RIMS2: variants seen among roughly 807,000 people sequenced by gnomAD.
The protein encoded by RIMS2 is regulating synaptic membrane exocytosis 2.
RIMS2 carries 59 observed loss-of-function variants against 174.4 expected under a neutral mutation model. The observed-to-expected ratio is 0.34, with a 90% CI of 0.27 to 0.42. RIMS2 has a LOEUF of 0.42. RIMS2 is among the 10% of genes least tolerant of loss of function. The pLI is 1.00. For synonymous variants in RIMS2, 606 were observed against 572.5 expected (o/e 1.06, Z -0.84); for missense variants, 1,620 against 1,666.3 (o/e 0.97, Z 0.48).
chr8:103,946,714 C>T (rs1026545171), intron 14 of RIMS2, among the ~76,000 whole-genome samples: 2 of 152,092 alleles, frequency 1.3e-5, no homozygotes, highest in African/African-American at 4.8e-5. Context: ...AGATTAAACC[C>T]AATTCCTATC....
intron 19 of RIMS2, among the ~76,000 whole-genome samples, chr8:104,231,255 T>C (rs1163569257): frequency 6.6e-6 from 1 of 152,184 alleles, no homozygotes; most frequent in Non-Finnish European, 1.5e-5. Flanking sequence ...CCCATCTTCA[T>C]CTTAACACTA....
intron 19 of RIMS2, among the ~76,000 whole-genome samples, chr8:104,018,395 T>G (rs1446966886): frequency 6.6e-6 from 1 of 152,226 alleles, no homozygotes; most frequent in African/African-American, 2.4e-5. Context: ...TAGATTGTTT[T>G]TCACAACTAA....
chr8:103,903,648 G>T (rs2073728114), intron 4 of RIMS2, among the ~76,000 whole-genome samples: 2 of 152,120 alleles, frequency 1.3e-5, no homozygotes, highest in Admixed American at 1.3e-4. Flanking sequence ...ATTTAAGTAT[G>T]TTTAACTTGT....
intron 19 of RIMS2, among the ~76,000 whole-genome samples, chr8:104,189,054 A>G (rs1349573685): frequency 6.6e-6 from 1 of 151,986 alleles, no homozygotes; most frequent in African/African-American, 2.4e-5. Flanking sequence ...TAAATTGTGA[A>G]TTTATTTGGT....
intron 3 of RIMS2, among the ~76,000 whole-genome samples, chr8:103,875,029 A>G (rs1243872629): frequency 1.3e-5 from 2 of 151,998 alleles, no homozygotes; most frequent in African/African-American, 4.8e-5. Context: ...AAATTTCTAT[A>G]GGAGTGTTGG....
At chr8:104,115,328 A>G (rs1235124948) in intron 19 of RIMS2, among the ~76,000 whole-genome samples, 2 of 152,034 alleles carry the variant, frequency 1.3e-5, no homozygotes, top group Non-Finnish European at 2.9e-5. Context: ...TGGTTCTAGT[A>G]TTTGCATACT....
chr8:103,939,539 T>G (rs1212497562), intron 13 of RIMS2, among the ~76,000 whole-genome samples: 5 of 152,222 alleles, frequency 3.3e-5, no homozygotes, highest in Admixed American at 2.6e-4. Context: ...ACCTCTGACA[T>G]GCCCTGGAGA....
At chr8:103,675,348 A>G (rs2136482019) in intron 1 of RIMS2, among the ~76,000 whole-genome samples, 1 of 150,744 alleles carries the variant, frequency 6.6e-6, no homozygotes, top group Admixed American at 6.6e-5. Context: ...TAGGTGTAGA[A>G]CTCAGAAGAG....
At chr8:103,753,864 C>G (rs181243138) in intron 2 of RIMS2, among the ~76,000 whole-genome samples, 171 of 152,222 alleles carry the variant, frequency 1.1e-3, no homozygotes, top group Middle Eastern at 3.4e-3. Flanking sequence ...TTTTGTCAAT[C>G]TTTTAAAAAC....
chr8:103,704,906 C>T (rs571614252), intron 2 of RIMS2, among the ~76,000 whole-genome samples: 6 of 151,786 alleles, frequency 4.0e-5, no homozygotes, highest in Non-Finnish European at 7.4e-5. Flanking sequence ...TTTCAAAAAG[C>T]CAACTTTTCC....
At chr8:103,933,902 AC>A (rs1322731276) in intron 12 of RIMS2, among the ~76,000 whole-genome samples, 1 of 152,164 alleles carries the variant, frequency 6.6e-6, no homozygotes, top group Non-Finnish European at 1.5e-5. Flanking sequence ...TAAACAGAAA[AC>A]AATTGATGCC....
intron 19 of RIMS2, among the ~76,000 whole-genome samples, chr8:104,068,075 T>C (rs2097135130): frequency 6.6e-6 from 1 of 152,226 alleles, no homozygotes; most frequent in Admixed American, 6.5e-5. Flanking sequence ...AATTTTATGA[T>C]AACAGTTTCT....
intron 4 of RIMS2, among the ~76,000 whole-genome samples, chr8:103,901,964 C>T (rs2073233195): frequency 6.6e-6 from 1 of 152,142 alleles, no homozygotes; most frequent in South Asian, 2.1e-4. Context: ...AAAACAACAA[C>T]ACATGTTTAT....
At chr8:103,833,113 G>A (rs1300516425) in intron 3 of RIMS2, among the ~76,000 whole-genome samples, 1 of 152,076 alleles carries the variant, frequency 6.6e-6, no homozygotes, top group African/African-American at 2.4e-5. Flanking sequence ...ATTTTTGGTG[G>A]AAATAGAATT....
At chr8:104,151,160 A>T (rs1052818202) in intron 19 of RIMS2, among the ~76,000 whole-genome samples, 2 of 152,234 alleles carry the variant, frequency 1.3e-5, no homozygotes, top group African/African-American at 4.8e-5. Context: ...CATTTACCTG[A>T]TTAAGTGACT....
intron 19 of RIMS2, among the ~76,000 whole-genome samples, chr8:104,136,444 A>G (rs998207193): frequency 5.9e-5 from 9 of 152,332 alleles, no homozygotes; most frequent in Admixed American, 1.3e-4. Context: ...TGGATTGTGT[A>G]TAGCATTTCA....
In RIMS2 at chr8:103,717,155, T is replaced by TC. The variant is rs1206725557; in HGVS notation, c.387+19859_387+19860insC. Among the ~76,000 whole-genome samples the TC allele has an allele frequency of 2.0e-5, 3 of 150,294 alleles. No individual in the cohort carries two copies. The East Asian group carries it at 5.8e-4, about 29-fold the overall frequency. ...AGTGCCTTCTTTTTTTTTTTTTTTT[T>TC]TTTCTTTTACCAGTTGGAGCCTTTT... On this transcript the variant is annotated intron_variant, in intron 2 of 23. Coordinates refer to ENST00000504942, the Ensembl canonical transcript of RIMS2.
chr8:103,777,940 A>G (rs1352496099), intron 3 of RIMS2, among the ~76,000 whole-genome samples: 1 of 152,048 alleles, frequency 6.6e-6, no homozygotes, highest in Non-Finnish European at 1.5e-5. Flanking sequence ...AACTGGCTAC[A>G]AAGACAAGAG....
chr8:104,043,117 T>G (rs1264827098), intron 19 of RIMS2, among the ~76,000 whole-genome samples: 1 of 151,590 alleles, frequency 6.6e-6, no homozygotes, highest in Non-Finnish European at 1.5e-5. Context: ...ATGGTAGAAC[T>G]AGACAGTAAT....
Sources: gnomAD v4.1 joint callset for allele counts (sites outside exome capture counted in the v4.1 genomes callset) on GRCh38, gnomAD v4.1.1 for gene constraint, MANE v1.5 for transcripts, NCBI Gene and HGNC (gene_info 2026-07-23, HGNC 2026-07-21) for gene names.